The following CAMKMT variants were observed in gnomAD, a reference collection of about 807,000 sequenced individuals.
CAMKMT encodes the protein calmodulin-lysine N-methyltransferase.
In CAMKMT, 53 loss-of-function variants were observed where a neutral mutation model predicts 48.0. That is an observed-to-expected ratio of 1.10 (90% CI 0.89 to 1.39). The LOEUF (loss-of-function observed/expected upper bound fraction) is 1.39. Ranked by LOEUF, CAMKMT falls within the 40% of genes most tolerant of loss-of-function variation. The pLI, the probability that CAMKMT is intolerant of heterozygous loss-of-function variation, is 0.00. For synonymous variants in CAMKMT, 165 were observed against 152.3 expected, an observed-to-expected ratio of 1.08 and a Z score of -0.61; for missense variants, 428 against 402.7, an observed-to-expected ratio of 1.06 and a Z score of -0.54.
At chr2:44,375,341 A>G (rs1481433537) in intron 2 of CAMKMT, among the ~76,000 whole-genome samples, 1 of 151,830 alleles carries the variant, frequency 6.6e-6, no homozygotes, top group East Asian at 1.9e-4. Context: ...TTAAATTCAA[A>G]CCAATAAATA....
At chr2:44,561,268 T>C (rs1017891490) in intron 3 of CAMKMT, among the ~76,000 whole-genome samples, 2 of 152,196 alleles carry the variant, frequency 1.3e-5, no homozygotes, top group Non-Finnish European at 2.9e-5. Context: ...AAAATCATGG[T>C]TTTGTATCTA....
intron 3 of CAMKMT, among the ~76,000 whole-genome samples, chr2:44,463,384 G>A (rs71420097): frequency 8.8e-4 from 134 of 152,328 alleles, no homozygotes; most frequent in Non-Finnish European, 1.6e-3. Context: ...AAGACAAGTA[G>A]TTCCATTTGA....
intron 9 of CAMKMT, among the ~76,000 whole-genome samples, chr2:44,759,186 C>T (rs1319486190): frequency 2.0e-5 from 3 of 152,178 alleles, no homozygotes; most frequent in African/African-American, 7.2e-5. Context: ...TACAGTGGCA[C>T]CATCACTGCT....
intron 3 of CAMKMT, among the ~76,000 whole-genome samples, chr2:44,661,153 C>G (rs921153679): frequency 3.9e-5 from 6 of 152,032 alleles, no homozygotes; most frequent in African/African-American, 1.2e-4. Context: ...TCTCTTATTC[C>G]TGCTGTGAGA....
intron 3 of CAMKMT, among the ~76,000 whole-genome samples, chr2:44,403,506 C>G (rs1196619580): frequency 6.6e-6 from 1 of 152,200 alleles, no homozygotes; most frequent in African/African-American, 2.4e-5. Flanking sequence ...CATCCTTGTA[C>G]TCTACTCGTA....
In CAMKMT at chr2:44,666,843, C is replaced by A. The variant is rs553943970; in HGVS notation, c.377-37440C>A. Among the ~76,000 whole-genome samples, 4 of 152,226 alleles carry A rather than the reference C, an allele frequency of 2.6e-5. No homozygotes were observed. In the South Asian group the frequency reaches 8.3e-4, roughly 32 times the overall value. ...CAGGATGGTCTTGATCTCCTGACCT[C>A]GTGATCTGCCCGCCTCGGCCTCCCA... On this transcript the variant is annotated intron_variant, in intron 3 of 10. Coordinates refer to ENST00000378494, the MANE Select transcript of CAMKMT (RefSeq NM_024766.5).
intron 7 of CAMKMT, among the ~76,000 whole-genome samples, chr2:44,723,232 C>T (rs1202126555): frequency 6.6e-6 from 1 of 152,168 alleles, no homozygotes; most frequent in Non-Finnish European, 1.5e-5. Context: ...ACGTGGGGAC[C>T]ACCAAACTAG....
At chr2:44,753,330 G>A (rs1680231735) in intron 8 of CAMKMT, among the ~76,000 whole-genome samples, 1 of 151,090 alleles carries the variant, frequency 6.6e-6, no homozygotes, top group African/African-American at 2.4e-5. Context: ...GGGAGGCTGG[G>A]GTGGGAGGAT....
intron 3 of CAMKMT, among the ~76,000 whole-genome samples, chr2:44,627,660 A>T (rs1305674624): frequency 8.1e-6 from 1 of 123,962 alleles, no homozygotes; most frequent in African/African-American, 3.2e-5. Context: ...TTCCAAACTT[A>T]TTAGCATAAA....
intron 3 of CAMKMT, among the ~76,000 whole-genome samples, chr2:44,488,537 T>TA (rs1168922740): frequency 6.6e-6 from 1 of 151,684 alleles, no homozygotes; most frequent in Non-Finnish European, 1.5e-5. Context: ...ATTAATAACT[T>TA]ATTTGTATAC....
In CAMKMT at chr2:44,653,879, A is replaced by T. The variant is rs1674220679; in HGVS notation, c.377-50404A>T. The stretch of plus-strand genomic sequence containing the variant: ...AATATTTGTTGAGTGAAAGAATGAA[A>T]CCAAAACTGTCACATTTTAGCCTAA... On this transcript the variant is annotated intron_variant, in intron 3 of 10. Transcript: ENST00000378494. The surrounding 1 kb of genome is among the most constrained non-coding windows in gnomAD (Gnocchi z 5.2). Among the ~76,000 whole-genome samples, 1 of 152,156 alleles carries T rather than the reference A, an allele frequency of 6.6e-6. No individual in the cohort carries two copies. The highest frequency in any genetic ancestry group is 1.5e-5 in the Non-Finnish European group (1 of 68,018).
chr2:44,595,843 A>G (rs1167639570), intron 3 of CAMKMT, among the ~76,000 whole-genome samples: 2 of 152,198 alleles, frequency 1.3e-5, no homozygotes, highest in African/African-American at 2.4e-5. Flanking sequence ...AGGGACATGG[A>G]TGAAGCTGGA....
intron 3 of CAMKMT, among the ~76,000 whole-genome samples, chr2:44,474,493 C>T (rs1668585470): frequency 6.6e-6 from 1 of 150,852 alleles, no homozygotes; most frequent in Admixed American, 6.6e-5. Context: ...TAGTAAGTAT[C>T]GAGAGGTAAG....
intron 3 of CAMKMT, among the ~76,000 whole-genome samples, chr2:44,628,613 T>G (rs1456033473): frequency 6.6e-6 from 1 of 151,908 alleles, no homozygotes; most frequent in Admixed American, 6.6e-5. Flanking sequence ...GCTCCTAGGT[T>G]CAAGTGATCC....
At chr2:44,581,088 C>G (rs1319762567) in intron 3 of CAMKMT, among the ~76,000 whole-genome samples, 1 of 151,978 alleles carries the variant, frequency 6.6e-6, no homozygotes, top group African/African-American at 2.4e-5. Context: ...GTTGACTACA[C>G]AAATGTCAGA....
chr2:44,415,907 T>C (rs1042547056), intron 3 of CAMKMT, among the ~76,000 whole-genome samples: 3 of 152,220 alleles, frequency 2.0e-5, no homozygotes, highest in Non-Finnish European at 2.9e-5. Flanking sequence ...AATTCAAATA[T>C]TGTTTTTAAA....
At chr2:44,457,816 A>G (rs1393039257) in intron 3 of CAMKMT, among the ~76,000 whole-genome samples, 1 of 152,158 alleles carries the variant, frequency 6.6e-6, no homozygotes, top group African/African-American at 2.4e-5. Context: ...TCTTTTGGAA[A>G]TTCTCAACAG....
chr2:44,706,373 G>A, intron 5 of CAMKMT, 32 bp downstream of exon 5: 1 of 1,610,352 alleles, frequency 6.2e-7, no homozygotes, highest in South Asian at 1.1e-5. Flanking sequence ...ATCCCATTCA[G>A]AGGGAGGAAC....
chr2:44,393,395 C>T (rs1166557107), intron 3 of CAMKMT: 1 of 152,176 alleles, frequency 6.6e-6, no homozygotes, highest in Non-Finnish European at 1.5e-5. Flanking sequence ...AGAGGAATCT[C>T]GTACAGAATG....
Sources: allele counts gnomAD v4.1 joint callset (sites outside exome capture counted in the v4.1 genomes callset), GRCh38; gene constraint gnomAD v4.1.1; non-coding constraint Gnocchi (gnomAD v3.1); transcripts MANE v1.5; gene names NCBI Gene and HGNC (gene_info 2026-07-23, HGNC 2026-07-21).